Variants in TRANK1 observed in about 807,000 individuals in gnomAD.
The protein encoded by TRANK1 is tetratricopeptide repeat and ankyrin repeat containing 1.
A neutral mutation model predicts 266.0 loss-of-function variants in TRANK1; 198 were observed. The observed-to-expected ratio is 0.74, with a 90% CI of 0.66 to 0.84. The LOEUF is 0.84. Ranked by LOEUF, TRANK1 falls within the 40% of genes least tolerant of loss-of-function variation. The pLI is 0.00. For synonymous variants in TRANK1, 1,396 were observed against 1,384.1 expected, an observed-to-expected ratio of 1.01 and a Z score of -0.19; for missense variants, 3,326 against 3,634.6, an observed-to-expected ratio of 0.92 and a Z score of 2.18.
chr3:36,866,664 A>G (rs1029395852), intron 9 of TRANK1, among the ~76,000 whole-genome samples: 2 of 152,232 alleles, frequency 1.3e-5, no homozygotes, highest in Admixed American at 6.5e-5. Flanking sequence ...CCTTTGGACA[A>G]TATAAATTCC....
Position 36,852,228 on chromosome 3 carries a change from T to G in TRANK1, c.4667A>C (p.Glu1556Ala). 6.2e-7 allele frequency: 1 copy of G among 1,613,680 alleles called. No homozygotes were observed. Among genetic ancestry groups the G allele is most frequent in the East Asian group, 2.2e-5 (1 of 44,884 alleles). Reference sequence around the variant, plus strand: ...TGCCAAGTCGCTTACACTACAAGACTCCAGAACAGTTGGCTTAGGACCATC... The same window carrying G: ...TGCCAAGTCGCTTACACTACAAGACGCCAGAACAGTTGGCTTAGGACCATC... ...LFDGPKPTVL[E>A]SCSVSDLAIL... The change falls in exon 14 of 24, where the codon GAG (glutamate) becomes GCG (alanine). Residue 1556 changes from glutamate (E) to alanine (A), a missense_variant. Coordinates refer to ENST00000645898, the MANE Select transcript of TRANK1 (RefSeq NM_001329998.2).
At chr3:36,893,286 A>G (rs942679437) in intron 5 of TRANK1, among the ~76,000 whole-genome samples, 8 of 152,106 alleles carry the variant, frequency 5.3e-5, no homozygotes, top group African/African-American at 1.9e-4. Context: ...GAGATTACAA[A>G]AAAAAAAGAG....
At chr3:36,918,502 A>AAG (rs1559473105) in intron 1 of TRANK1, among the ~76,000 whole-genome samples, 5 of 27,494 alleles carry the variant, frequency 1.8e-4, no homozygotes, top group African/African-American at 5.8e-4. Flanking sequence ...AAAGAAAGAA[A>AAG]GAAAGAAAGA....
chr3:36,923,316 T>C (rs2080242797), intron 1 of TRANK1, among the ~76,000 whole-genome samples: 1 of 150,482 alleles, frequency 6.6e-6, no homozygotes. Flanking sequence ...ATTGCAGTGA[T>C]ACAATCTCGG....
intron 2 of TRANK1, among the ~76,000 whole-genome samples, chr3:36,903,781 C>T (rs979166731): frequency 3.3e-5 from 5 of 152,156 alleles, no homozygotes; most frequent in East Asian, 1.9e-4. Flanking sequence ...CCCTTTAAAG[C>T]GCAGCAGGGC....
intron 1 of TRANK1, among the ~76,000 whole-genome samples, chr3:36,922,880 T>C (rs1026048659): frequency 4.6e-5 from 7 of 152,162 alleles, no homozygotes; most frequent in African/African-American, 1.7e-4. Flanking sequence ...AGCTATCTTA[T>C]CTGTGGAGTC....
chr3:36,866,096 GAAA>G (rs1407528300), intron 9 of TRANK1, among the ~76,000 whole-genome samples: 5 of 149,510 alleles, frequency 3.3e-5, no homozygotes, highest in Non-Finnish European at 7.4e-5. Context: ...AAGAAAGAAA[GAAA>G]GAAAGAAAGA....
rs1336383458 is a variant in TRANK1 at position 36,879,886 on chromosome 3, A to G, written c.908-5590T>C. ...TATATGTAAACATACAAATATATGT[A>G]AACATGCAAATATATGTAAACATGC... On this transcript the variant is annotated intron_variant, in intron 8 of 23. Coordinates refer to ENST00000645898, the MANE Select transcript of TRANK1 (RefSeq NM_001329998.2). 2.6e-4 allele frequency among the ~76,000 whole-genome samples: 24 copies of G among 93,150 alleles called. 1 individual carries two copies. Among genetic ancestry groups the G allele is most frequent in the Admixed American group, 1.4e-3 (11 of 7,868 alleles). The allele number at this position is 93,150 out of a possible 152,430, so 61.1% of individuals were successfully genotyped here.
At chr3:36,862,094 T>C (rs944559990) in intron 10 of TRANK1, among the ~76,000 whole-genome samples, 1 of 152,206 alleles carries the variant, frequency 6.6e-6, no homozygotes, top group Non-Finnish European at 1.5e-5. Context: ...ATTTGAATTT[T>C]AGATGAACAA....
chr3:36,911,872 T>C (rs973216932), intron 1 of TRANK1, among the ~76,000 whole-genome samples: 2 of 152,170 alleles, frequency 1.3e-5, no homozygotes, highest in African/African-American at 4.8e-5. Context: ...GTGCTTTACA[T>C]CATTGTGTCT....
At chr3:36,885,459 A>T (rs1313010773) in intron 8 of TRANK1, among the ~76,000 whole-genome samples, 1 of 152,260 alleles carries the variant, frequency 6.6e-6, no homozygotes, top group African/African-American at 2.4e-5. Flanking sequence ...CTAAGGAGAC[A>T]TGAAAACTAA....
intron 1 of TRANK1, among the ~76,000 whole-genome samples, chr3:36,943,193 T>C (rs2080521085): frequency 6.8e-6 from 1 of 146,982 alleles, no homozygotes; most frequent in African/African-American, 2.5e-5. Flanking sequence ...ATCCCTCTGG[T>C]GGGGGGTGGG....
At chr3:36,896,399 T>C (rs918586900) in intron 4 of TRANK1, among the ~76,000 whole-genome samples, 1 of 152,218 alleles carries the variant, frequency 6.6e-6, no homozygotes, top group Non-Finnish European at 1.5e-5. Context: ...TCCAAGGTTA[T>C]TAATTTCAAA....
At chr3:36,842,825 C>CT (rs2078865931) in intron 17 of TRANK1, 115 bp from the exon 18 acceptor site, 1 of 890,562 alleles carries the variant, frequency 1.1e-6, no homozygotes, top group East Asian at 2.6e-5. Context: ...TGTTAAAGTC[C>CT]TAACTCCCGG....
At chr3:36,884,292 G>A (rs1173325638) in intron 8 of TRANK1, among the ~76,000 whole-genome samples, 1 of 152,152 alleles carries the variant, frequency 6.6e-6, no homozygotes, top group African/African-American at 2.4e-5. Flanking sequence ...CTTCGCAATG[G>A]CATACCTAGT....
intron 2 of TRANK1, among the ~76,000 whole-genome samples, chr3:36,905,357 A>G (rs560426691): frequency 3.9e-5 from 6 of 152,176 alleles, no homozygotes; most frequent in African/African-American, 1.4e-4. Context: ...TGAACATGGA[A>G]CCATTGGGAG....
intron 8 of TRANK1, among the ~76,000 whole-genome samples, chr3:36,884,171 A>G (rs1231403065): frequency 1.3e-5 from 2 of 152,240 alleles, no homozygotes; most frequent in African/African-American, 2.4e-5. Context: ...TTTTTAACAT[A>G]GACATATGCA....
At chr3:36,866,327 GA>G (rs765330473) in intron 9 of TRANK1, among the ~76,000 whole-genome samples, 1 of 152,162 alleles carries the variant, frequency 6.6e-6, no homozygotes, top group Non-Finnish European at 1.5e-5. Flanking sequence ...ACCAGAGTGG[GA>G]ATACTTTAAA....
chr3:36,834,873 T>G lies in TRANK1; in HGVS notation c.5552A>C (p.Gln1851Pro). 1 of 1,613,228 alleles carries G rather than the reference T, an allele frequency of 6.2e-7. No individual in the cohort carries two copies. The highest frequency in any genetic ancestry group is 8.5e-7 in the Non-Finnish European group (1 of 1,179,660). Residue 1851 changes from glutamine (Q) to proline (P), a missense_variant, in exon 21 of 24, where the codon CAG (glutamine) becomes CCG (proline). Gln to Pro is a moderately conservative substitution (Grantham distance 76, BLOSUM62 -1). Transcript: ENST00000645898. ...RDAAYFYKRS[Q>P]CYKDAFRCFE... ...GCATCTGAAAGCGTCTTTGTAGCAC[T>G]GGCTTCGCTTATAGAAATAGGCAGC...
Sources: allele counts gnomAD v4.1 joint callset (sites outside exome capture counted in the v4.1 genomes callset), GRCh38; gene constraint gnomAD v4.1.1; transcripts MANE v1.5; gene names NCBI Gene and HGNC (gene_info 2026-07-23, HGNC 2026-07-21).